The following SH3BP1 variants were observed in gnomAD, a reference collection of about 807,000 sequenced individuals.
The protein encoded by SH3BP1 is SH3 domain binding protein 1, also known as SH3 domain-binding protein 1.
In SH3BP1, 46 loss-of-function variants were observed where a neutral mutation model predicts 69.8. The observed-to-expected ratio is 0.66, with a 90% CI of 0.52 to 0.84. The LOEUF is 0.84. Ranked by LOEUF, SH3BP1 falls within the 40% of genes least tolerant of loss-of-function variation. SH3BP1 has a pLI of 0.00. For synonymous variants in SH3BP1, 403 were observed against 378.0 expected (o/e 1.07, Z -0.77); for missense variants, 868 against 930.9 (o/e 0.93, Z 0.88).
chr22:37,655,719 C>A lies in SH3BP1; in HGVS notation c.*35C>A. On this transcript the variant is annotated 3_prime_UTR_variant, in exon 18 of 18. Transcript: ENST00000649765. ...TTCTCCCTAAGCAGCCCTCAGCACC[C>A]CCTCCCTCCCCACCTGGCCCTCCCA... 1 of 1,450,908 alleles carries A rather than the reference C, an allele frequency of 6.9e-7. No homozygotes were observed. Among genetic ancestry groups the A allele is most frequent in the East Asian group, 2.5e-5 (1 of 39,770 alleles). 89.9% of individuals were successfully genotyped at this position (1,450,908 alleles called of 1,614,324 possible).
At chr22:37,641,207 TGCAG>T (rs1386949205) in intron 2 of SH3BP1, 39 bp downstream of exon 2, 1 of 1,537,598 alleles carries the variant, frequency 6.5e-7, no homozygotes, top group South Asian at 1.2e-5. Context: ...GGCAGGCCTG[TGCAG>T]GCTGTCTCGG....
In SH3BP1 at chr22:37,642,962, ACC is replaced by A; in HGVS notation, c.354_355del (p.Leu119GlyfsTer13). The A allele has an allele frequency of 6.2e-7, 1 of 1,612,706 alleles. No individual in the cohort carries two copies. The highest frequency in any genetic ancestry group is 8.5e-7 in the Non-Finnish European group (1 of 1,179,926). On this transcript the variant is annotated frameshift_variant, in exon 5 of 18. Transcript: ENST00000649765. LOFTEE classifies it high-confidence loss of function. ...CCGCATCCTGGCCGAGTTTGAGATG[ACC>A]CTGGAGAGGGACGTCCTGCAGCCAC... is the stretch of plus-strand genomic sequence containing the variant. ...LARILAEFEM[T>X]LERDVLQPLS... is the part of the protein sequence containing the mutation.
intron 13 of SH3BP1, 68 bp from the exon 14 acceptor site, chr22:37,648,250 AC>A: frequency 9.1e-7 from 1 of 1,095,698 alleles, no homozygotes; most frequent in Non-Finnish European, 1.4e-6. Context: ...CTCTTTGGAA[AC>A]CCTGGGCTGG....
In SH3BP1 at chr22:37,644,701, T is replaced by C; in HGVS notation, c.683T>C (p.Ile228Thr). ...TKEDSYANYF[I>T]RLLEIQADYH... Reference sequence around the variant, plus strand: ...GAGGACTCCTATGCCAACTACTTCATTCGTGTGAGTCCAAGACCGGGCCCC... The same window carrying C: ...GAGGACTCCTATGCCAACTACTTCACTCGTGTGAGTCCAAGACCGGGCCCC... Residue 228 changes from isoleucine (I) to threonine (T), a missense_variant, in exon 8 of 18, where the codon ATT becomes ACT. Physicochemically the swap from Ile to Thr is moderately conservative, Grantham distance 89. Around this residue, in one of 3 missense-constraint regions of SH3BP1, gnomAD observed 387 missense variants for 447.9 expected, o/e 0.86. Transcript: ENST00000649765. 6.2e-7 allele frequency: 1 copy of C among 1,614,232 alleles called. No homozygotes were observed. Among genetic ancestry groups the C allele is most frequent in the East Asian group, 2.2e-5 (1 of 44,886 alleles).
chr22:37,656,068 TTTTCTGTCCTTGAAATAAAGAA>T lies in SH3BP1; in HGVS notation c.*385_*406del. On this transcript the variant is annotated 3_prime_UTR_variant, in exon 18 of 18. Coordinates refer to ENST00000649765, the MANE Select transcript of SH3BP1 (RefSeq NM_018957.6). ...AGCAGCTGCCCAAATGATAGTTTTA[TTTTCTGTCCTTGAAATAAAGAA>T]GCCAATTTTATAAAGGGGAAAACAA... The T allele has an allele frequency of 6.7e-6, 9 of 1,340,426 alleles. No individual in the cohort carries two copies. The highest frequency in any genetic ancestry group is 8.8e-6 in the Non-Finnish European group (9 of 1,019,310). 83.0% of individuals were successfully genotyped at this position (1,340,426 alleles called of 1,614,324 possible).
intron 14 of SH3BP1, among the ~76,000 whole-genome samples, chr22:37,649,445 C>A (rs1250457564): frequency 6.6e-6 from 1 of 151,964 alleles, no homozygotes; most frequent in Non-Finnish European, 1.5e-5. Context: ...ATGATGGAGC[C>A]ACTGCATTCC....
chr22:37,641,219 C>A, intron 2 of SH3BP1, 51 bp downstream of exon 2: 1 of 1,539,674 alleles, frequency 6.5e-7, no homozygotes. Flanking sequence ...CAGGCTGTCT[C>A]GGAGCAGAGG....
chr22:37,643,436 C>CT (rs1221355185), intron 6 of SH3BP1: 1 of 703,262 alleles, frequency 1.4e-6, no homozygotes, highest in Admixed American at 2.7e-5. Context: ...GTTCTCCCCT[C>CT]TGTGGAGTGG....
chr22:37,654,592 G>A (rs1048556383), intron 17 of SH3BP1, among the ~76,000 whole-genome samples: 10 of 151,722 alleles, frequency 6.6e-5, no homozygotes, highest in Non-Finnish European at 1.0e-4. Context: ...AAAGAAAAAA[G>A]GCAGTGGCAG....
In SH3BP1 at chr22:37,647,474, C is replaced by G; in HGVS notation, c.1152C>G (p.Leu384=). 6.2e-7 allele frequency: 1 copy of G among 1,610,302 alleles called. No individual in the cohort carries two copies. Among genetic ancestry groups the G allele is most frequent in the Non-Finnish European group, 8.5e-7 (1 of 1,179,736 alleles). ...LKEPGARLQA[L]QEVCSRLPPE... ...AGCCAGGGGCCCGGCTGCAGGCCCT[C>G]CAAGAGGTGTGCAGCCGCCTACCCC... is the stretch of plus-strand genomic sequence containing the variant. The change falls in exon 13 of 18, where the codon CTC becomes CTG. Residue 384 remains leucine (L), a synonymous_variant. Transcript: ENST00000649765.
rs1932768796 is a variant in SH3BP1, at chr22:37,645,497, G to T, written c.911G>T (p.Gly304Val). 1.2e-6 allele frequency: 2 copies of T among 1,610,034 alleles called. No individual in the cohort carries two copies. Among genetic ancestry groups the T allele is most frequent in the Non-Finnish European group, 1.7e-6 (2 of 1,176,820 alleles). ...EACVMMLLSE[G>V]MKEEGLFRLA... The stretch of plus-strand genomic sequence containing the variant: ...TGCGTCATGATGCTGCTTTCTGAGG[G>T]CATGAAGGAAGAGGTGGGGTCCCCT... The change falls in exon 10 of 18, where the codon GGC becomes GTC. Residue 304 changes from glycine to valine, a missense_variant. Around this residue, in one of 3 missense-constraint regions of SH3BP1, gnomAD observed 387 missense variants for 447.9 expected, o/e 0.86. Coordinates refer to ENST00000649765, the MANE Select transcript of SH3BP1 (RefSeq NM_018957.6).
intron 16 of SH3BP1, among the ~76,000 whole-genome samples, chr22:37,651,778 G>T (rs1932883693): frequency 6.6e-6 from 1 of 151,970 alleles, no homozygotes. Context: ...CACATTTCAG[G>T]GCACAGGGAG....
chr22:37,645,555 A>T (rs754369284), intron 10 of SH3BP1, 45 bp downstream of exon 10: 16 of 1,573,644 alleles, frequency 1.0e-5, no homozygotes, highest in Non-Finnish European at 1.4e-5. Context: ...TGGGGCCCTC[A>T]TTCTGTCCCA....
Position 37,642,952 on chromosome 22 carries a change from G to C in SH3BP1, c.342G>C (p.Glu114Asp). ...ATCAGCTGGCCCGCATCCTGGCCGA[G>C]TTTGAGATGACCCTGGAGAGGGACG... The part of the protein sequence containing the change: ...IQNQLARILA[E>D]FEMTLERDVL... The change falls in exon 5 of 18, where the codon GAG becomes GAC. Residue 114 changes from glutamate (E) to aspartate (D), a missense_variant. Glu to Asp is a conservative substitution (Grantham distance 45). This residue lies in a region of SH3BP1 where 387 missense variants were observed against 447.9 expected (regional missense o/e 0.86). Coordinates refer to ENST00000649765, the MANE Select transcript of SH3BP1 (RefSeq NM_018957.6). 6.2e-7 allele frequency: 1 copy of C among 1,612,962 alleles called. No homozygotes were observed. The highest frequency in any genetic ancestry group is 8.5e-7 in the Non-Finnish European group (1 of 1,180,012).
At chr22:37,653,459 C>T (rs527571780) in intron 16 of SH3BP1, among the ~76,000 whole-genome samples, 2 of 152,128 alleles carry the variant, frequency 1.3e-5, no homozygotes, top group African/African-American at 2.4e-5. Context: ...ACATGGAGGC[C>T]CTGAGCTGAG....
chr22:37,648,263 G>A (rs989712188), intron 13 of SH3BP1, 56 bp from the exon 14 acceptor site: 20 of 1,237,130 alleles, frequency 1.6e-5, no homozygotes, highest in Non-Finnish European at 2.2e-5. Context: ...CTGGGCTGGA[G>A]AATTCTCAGG....
intron 12 of SH3BP1, 38 bp downstream of exon 12, chr22:37,647,386 A>T (rs758152620): frequency 3.1e-6 from 5 of 1,612,446 alleles, no homozygotes; most frequent in Non-Finnish European, 4.2e-6. Context: ...GGGGAGGAGG[A>T]GGATGCAAAG....
At position 37,644,681 on chromosome 22, in the gene SH3BP1, C is replaced by T. The variant is rs766575864; in HGVS notation, c.663C>T (p.Asp221=). The change falls in exon 8 of 18, where the codon GAC becomes GAT. Residue 221 remains aspartate, a synonymous_variant. Transcript: ENST00000649765. ...TGTACCACTTTGTTACCAAGGAGGA[C>T]TCCTATGCCAACTACTTCATTCGTG... ...ADLYHFVTKE[D]SYANYFIRLL... 6.2e-7 allele frequency: 1 copy of T among 1,614,262 alleles called. No homozygotes were observed. The highest frequency in any genetic ancestry group is 1.1e-5 in the South Asian group (1 of 91,088).
intron 1 of SH3BP1, 29 bp from the exon 2 acceptor site, chr22:37,641,097 C>CT (rs1159657906): frequency 3.0e-6 from 4 of 1,315,288 alleles, no homozygotes; most frequent in Non-Finnish European, 4.1e-6. Context: ...CAGAAGCACT[C>CT]TCCCCCCCCC....
Sources: allele counts gnomAD v4.1 joint callset (sites outside exome capture counted in the v4.1 genomes callset), GRCh38; gene constraint gnomAD v4.1.1; regional missense constraint gnomAD v4.1.1; transcripts MANE v1.5; gene names NCBI Gene and HGNC (gene_info 2026-07-23, HGNC 2026-07-21).